The following DPYD variants were observed in gnomAD, a reference collection of about 807,000 sequenced individuals.
DPYD encodes the protein dihydropyrimidine dehydrogenase.
DPYD carries 109 observed loss-of-function variants against 116.2 expected under a neutral mutation model. The observed-to-expected ratio is 0.94, with a 90% CI of 0.80 to 1.10. DPYD has a LOEUF of 1.10. Among genes scored for constraint, DPYD ranks in the 50% least tolerant of loss-of-function variants. DPYD has a pLI of 0.00. For missense variants in DPYD, 1,302 were observed against 1,254.5 expected, an observed-to-expected ratio of 1.04 and a Z score of -0.57; for synonymous variants, 440 against 432.0, an observed-to-expected ratio of 1.02 and a Z score of -0.23.
At chr1:97,344,398 A>G (rs1669733201) in intron 16 of DPYD, among the ~76,000 whole-genome samples, 1 of 151,936 alleles carries the variant, frequency 6.6e-6, no homozygotes, top group Non-Finnish European at 1.5e-5. Flanking sequence ...TTGTTCATAT[A>G]TAGACAATTG....
At chr1:97,371,390 A>G (rs2101501475) in intron 16 of DPYD, among the ~76,000 whole-genome samples, 1 of 152,320 alleles carries the variant, frequency 6.6e-6, no homozygotes, top group East Asian at 1.9e-4. Flanking sequence ...ATCACATAGC[A>G]ATGGGGAAGA....
At chr1:97,625,961 G>A (rs1256000608) in intron 8 of DPYD, among the ~76,000 whole-genome samples, 2 of 152,020 alleles carry the variant, frequency 1.3e-5, no homozygotes, top group African/African-American at 4.8e-5. Flanking sequence ...GGCTTTGGCA[G>A]ATGATGAATC....
intron 11 of DPYD, among the ~76,000 whole-genome samples, chr1:97,561,623 G>A (rs910784957): frequency 2.6e-5 from 4 of 152,082 alleles, no homozygotes; most frequent in South Asian, 2.1e-4. Flanking sequence ...TTTAATCTAC[G>A]TGCCTCTTTA....
chr1:97,303,552 C>G (rs1666983944), intron 18 of DPYD, among the ~76,000 whole-genome samples: 1 of 151,982 alleles, frequency 6.6e-6, no homozygotes. Flanking sequence ...AGAACTTGCT[C>G]TGTCCTAAAA....
chr1:97,142,436 T>C (rs1010861287), intron 20 of DPYD, among the ~76,000 whole-genome samples: 4 of 151,828 alleles, frequency 2.6e-5, no homozygotes, highest in Admixed American at 2.0e-4. Flanking sequence ...CATGCGAATC[T>C]CTCTTTTTCT....
chr1:97,093,680 C>T (rs928571535), intron 21 of DPYD, among the ~76,000 whole-genome samples: 1 of 152,124 alleles, frequency 6.6e-6, no homozygotes, highest in Non-Finnish European at 1.5e-5. Context: ...TAGTCCCATG[C>T]CTAATTCAGG....
rs1256605508 is a variant in DPYD, at chr1:97,098,376, A to T, written c.2766+113T>A. 51 of 1,293,872 alleles carry T rather than the reference A, an allele frequency of 3.9e-5. No individual in the cohort carries two copies. In the East Asian group the frequency reaches 1.2e-3, roughly 30 times the overall value. 80.1% of individuals were successfully genotyped at this position (1,293,872 alleles called of 1,614,324 possible). A position where few individuals can be genotyped will look rare whatever the true frequency, so the allele number is the denominator to read the frequency against. ...GACAGATGTTTTTAAAACTTTCATT[A>T]TAATTCTAAAACCAAATTAGTGATA... is the stretch of plus-strand genomic sequence containing the variant. On this transcript the variant is annotated intron_variant, in intron 21 of 22. Transcript: ENST00000370192.
intron 5 of DPYD, among the ~76,000 whole-genome samples, chr1:97,704,419 T>C (rs998117564): frequency 2.0e-5 from 3 of 151,820 alleles, no homozygotes; most frequent in Non-Finnish European, 4.4e-5. Flanking sequence ...ATTGTGTAAG[T>C]TAAAAAAAAG....
chr1:97,800,698 T>A (rs12725934), intron 3 of DPYD, among the ~76,000 whole-genome samples: 32,180 of 151,832 alleles, frequency 0.21, 4,380 homozygotes, highest in East Asian at 0.49. Context: ...GACCTATTTG[T>A]AACTGCCACT....
chr1:97,261,603 G>A (rs1311442757), intron 18 of DPYD, among the ~76,000 whole-genome samples: 1 of 145,154 alleles, frequency 6.9e-6, no homozygotes, highest in Non-Finnish European at 1.5e-5. Flanking sequence ...TTTATTTAAA[G>A]AAAATAGTTT....
intron 14 of DPYD, among the ~76,000 whole-genome samples, chr1:97,421,575 T>A (rs1674585576): frequency 6.6e-6 from 1 of 152,192 alleles, no homozygotes; most frequent in Non-Finnish European, 1.5e-5. Context: ...GCCTATCCCA[T>A]AACAGGTGAC....
At chr1:97,613,507 G>T (rs1223436643) in intron 8 of DPYD, among the ~76,000 whole-genome samples, 1 of 151,920 alleles carries the variant, frequency 6.6e-6, no homozygotes, top group Admixed American at 6.6e-5. Flanking sequence ...GTCCTTAAAT[G>T]CGACATCTAG....
intron 20 of DPYD, among the ~76,000 whole-genome samples, chr1:97,169,435 A>T (rs959880610): frequency 2.6e-5 from 4 of 152,174 alleles, no homozygotes; most frequent in African/African-American, 9.6e-5. Context: ...TCCAAGGCGA[A>T]ATACTTGAGA....
chr1:97,785,177 T>C (rs1189300923), intron 3 of DPYD, among the ~76,000 whole-genome samples: 1 of 152,220 alleles, frequency 6.6e-6, no homozygotes, highest in Non-Finnish European at 1.5e-5. Context: ...AAAATATACT[T>C]GCATTTTGTA....
intron 3 of DPYD, among the ~76,000 whole-genome samples, chr1:97,782,581 T>C (rs375946700): frequency 4.1e-4 from 62 of 152,328 alleles, no homozygotes; most frequent in African/African-American, 1.4e-3. Flanking sequence ...AACTGTATTC[T>C]AATTTTATTC....
chr1:97,173,439 T>C (rs1158186045), intron 20 of DPYD, among the ~76,000 whole-genome samples: 2 of 147,300 alleles, frequency 1.4e-5, no homozygotes, highest in African/African-American at 5.1e-5. Flanking sequence ...TATACGTACA[T>C]ATATATGTAA....
chr1:97,361,370 G>A (rs952313553), intron 16 of DPYD, among the ~76,000 whole-genome samples: 1 of 152,148 alleles, frequency 6.6e-6, no homozygotes, highest in African/African-American at 2.4e-5. Flanking sequence ...AATTCTACCA[G>A]AGGTACAAAG....
chr1:97,718,702 T>C (rs1395831102), intron 5 of DPYD, among the ~76,000 whole-genome samples: 4 of 152,010 alleles, frequency 2.6e-5, no homozygotes, highest in African/African-American at 9.6e-5. Flanking sequence ...TAAAATCGTT[T>C]TTTTTCAAAC....
chr1:97,421,860 A>G (rs1489328521), intron 14 of DPYD, among the ~76,000 whole-genome samples: 1 of 152,152 alleles, frequency 6.6e-6, no homozygotes, highest in East Asian at 1.9e-4. Flanking sequence ...CCAAAAACTG[A>G]TATGGGGGGA....
Sources: gnomAD v4.1 joint callset for allele counts (sites outside exome capture counted in the v4.1 genomes callset) on GRCh38, gnomAD v4.1.1 for gene constraint, MANE v1.5 for transcripts, NCBI Gene and HGNC (gene_info 2026-07-23, HGNC 2026-07-21) for gene names.